CCDC178: variants seen among roughly 807,000 people sequenced by gnomAD.
The protein encoded by CCDC178 is coiled-coil domain-containing protein 178.
CCDC178 carries 126 observed loss-of-function variants against 117.4 expected under a neutral mutation model. That is an observed-to-expected ratio of 1.07 (90% CI 0.93 to 1.24). The LOEUF (loss-of-function observed/expected upper bound fraction) is 1.24, where lower values mean the gene tolerates loss of function less well. Among genes scored for constraint, CCDC178 ranks in the 50% most tolerant of loss-of-function variants. The pLI, the probability that CCDC178 is intolerant of heterozygous loss-of-function variation, is 0.00. For synonymous variants in CCDC178, 283 were observed against 313.4 expected (o/e 0.90, Z 1.02); for missense variants, 1,030 against 986.9 (o/e 1.04, Z -0.59).
chr18:32,958,337 T>C, intron 22 of CCDC178: 1 of 364,802 alleles, frequency 2.7e-6, no homozygotes, highest in Non-Finnish European at 5.1e-6. Context: ...AGGTTTCTGA[T>C]TTCCTTATAT....
At chr18:33,225,006 G>T in intron 16 of CCDC178, 70 bp from the exon 17 acceptor site, 1 of 1,106,008 alleles carries the variant, frequency 9.0e-7, no homozygotes. Flanking sequence ...CTTATTCAGT[G>T]ACAGGCAGTA....
chr18:33,066,086 C>A (rs540077692), intron 21 of CCDC178, among the ~76,000 whole-genome samples: 2 of 152,126 alleles, frequency 1.3e-5, no homozygotes, highest in East Asian at 3.9e-4. Context: ...TGGTCTCGAT[C>A]TCCTGACCTC....
Position 33,058,559 on chromosome 18 carries a change from T to C in CCDC178, c.2388+34202A>G, listed in dbSNP as rs576438864. On this transcript the variant is annotated intron_variant, in intron 21 of 22. Transcript: ENST00000383096. ...AATGGAAATGGGAAAGGCACAGCCATGTAGAGATTACACAGAAAAAATTTT... is the reference window on the plus strand; with the variant it reads ...AATGGAAATGGGAAAGGCACAGCCACGTAGAGATTACACAGAAAAAATTTT... Among the ~76,000 whole-genome samples, 104 of 152,274 alleles carry C rather than the reference T, an allele frequency of 6.8e-4. 3 individuals carry two copies. In the South Asian group the frequency reaches 0.021, roughly 31 times the overall value.
intron 20 of CCDC178, among the ~76,000 whole-genome samples, chr18:33,188,252 A>G (rs1356537478): frequency 6.6e-6 from 1 of 152,136 alleles, no homozygotes; most frequent in Non-Finnish European, 1.5e-5. Flanking sequence ...AGCAATCAGT[A>G]TAGGGTCTGT....
At chr18:33,333,513 T>A in intron 9 of CCDC178, 119 bp from the exon 10 acceptor site, 1 of 538,580 alleles carries the variant, frequency 1.9e-6, no homozygotes, top group Non-Finnish European at 3.0e-6. Flanking sequence ...CTACTTTTTT[T>A]TTTTTTTTTT....
intron 21 of CCDC178, among the ~76,000 whole-genome samples, chr18:33,078,308 A>G (rs2057242960): frequency 1.3e-5 from 2 of 152,232 alleles, no homozygotes; most frequent in Non-Finnish European, 2.9e-5. Context: ...ATCAATGACA[A>G]ACCCATAGCC....
chr18:33,216,863 G>A (rs1003345455), intron 18 of CCDC178, among the ~76,000 whole-genome samples: 6 of 151,942 alleles, frequency 3.9e-5, no homozygotes, highest in African/African-American at 1.4e-4. Flanking sequence ...GGAGTATTAA[G>A]TTATTTGGGT....
At chr18:33,024,198 C>G (rs1013635555) in intron 21 of CCDC178, among the ~76,000 whole-genome samples, 2 of 152,204 alleles carry the variant, frequency 1.3e-5, no homozygotes, top group Non-Finnish European at 2.9e-5. Context: ...TATATACATT[C>G]TCTGTATCAA....
intron 5 of CCDC178, among the ~76,000 whole-genome samples, chr18:33,372,263 T>A (rs749581902): frequency 1.3e-5 from 2 of 152,106 alleles, no homozygotes; most frequent in Non-Finnish European, 2.9e-5. Flanking sequence ...AAGCATGGCA[T>A]AAGTTAAAAC....
intron 21 of CCDC178, among the ~76,000 whole-genome samples, chr18:33,047,326 C>T: frequency 6.6e-6 from 1 of 152,110 alleles, no homozygotes; most frequent in Non-Finnish European, 1.5e-5. Context: ...CCTTTTCTCC[C>T]ATAACGTCTG....
At chr18:33,202,896 G>C (rs894012914) in intron 20 of CCDC178, among the ~76,000 whole-genome samples, 2 of 152,124 alleles carry the variant, frequency 1.3e-5, no homozygotes, top group African/African-American at 2.4e-5. Context: ...AGCACACTTA[G>C]ATGGAAATTC....
intron 4 of CCDC178, among the ~76,000 whole-genome samples, chr18:33,389,992 G>A (rs111360533): frequency 6.7e-6 from 1 of 148,424 alleles, no homozygotes; most frequent in Admixed American, 6.7e-5. Context: ...GCATGTGTAT[G>A]TGTATATATA....
chr18:33,231,559 G>T (rs1003928997), intron 15 of CCDC178, among the ~76,000 whole-genome samples: 10 of 152,146 alleles, frequency 6.6e-5, no homozygotes, highest in African/African-American at 2.4e-4. Flanking sequence ...TGGATCCTGT[G>T]AGCAGTTTCC....
intron 20 of CCDC178, among the ~76,000 whole-genome samples, chr18:33,134,662 G>A (rs149450790): frequency 6.7e-4 from 102 of 151,770 alleles, no homozygotes; most frequent in African/African-American, 2.3e-3. Context: ...CCTTTGTTTC[G>A]CCCATCCCAT....
intron 9 of CCDC178, among the ~76,000 whole-genome samples, chr18:33,345,480 A>G (rs2062879428): frequency 6.6e-6 from 1 of 152,206 alleles, no homozygotes; most frequent in Admixed American, 6.5e-5. Context: ...GATACCTGCT[A>G]GAAGTTCCCA....
intron 21 of CCDC178, among the ~76,000 whole-genome samples, chr18:33,018,894 T>C (rs1376553545): frequency 6.6e-6 from 1 of 152,144 alleles, no homozygotes; most frequent in Non-Finnish European, 1.5e-5. Flanking sequence ...TTGTGAATTA[T>C]ATATCAATAA....
chr18:33,138,610 C>A (rs1485918074), intron 20 of CCDC178, among the ~76,000 whole-genome samples: 1 of 152,146 alleles, frequency 6.6e-6, no homozygotes, highest in African/African-American at 2.4e-5. Context: ...AAAAAATAAT[C>A]TTTATTTCTT....
intron 9 of CCDC178, among the ~76,000 whole-genome samples, chr18:33,338,107 T>C (rs1367560088): frequency 6.6e-6 from 1 of 152,092 alleles, no homozygotes; most frequent in Non-Finnish European, 1.5e-5. Flanking sequence ...GAGTAGACAA[T>C]TCTCAAAAGA....
intron 20 of CCDC178, among the ~76,000 whole-genome samples, chr18:33,106,277 C>T (rs944172626): frequency 6.6e-6 from 1 of 151,552 alleles, no homozygotes; most frequent in Non-Finnish European, 1.5e-5. Flanking sequence ...CTGCAAGTTT[C>T]CTCCTTTCAA....
Sources: allele counts gnomAD v4.1 joint callset (sites outside exome capture counted in the v4.1 genomes callset), GRCh38; gene constraint gnomAD v4.1.1; transcripts MANE v1.5; gene names NCBI Gene and HGNC (gene_info 2026-07-23, HGNC 2026-07-21).